MAP3K1: variants seen among roughly 807,000 people sequenced by gnomAD.
MAP3K1 encodes mitogen-activated protein kinase kinase kinase 1.
A neutral mutation model predicts 144.2 loss-of-function variants in MAP3K1; 36 were observed. The ratio of observed to expected loss-of-function variants is 0.25; its 90% CI spans 0.19 to 0.33. MAP3K1 has a LOEUF of 0.33. Ranked by LOEUF, MAP3K1 falls within the 10% of genes least tolerant of loss-of-function variation. The pLI, the probability that MAP3K1 is intolerant of heterozygous loss-of-function variation, is 1.00. For synonymous variants in MAP3K1, 718 were observed against 688.7 expected (o/e 1.04, Z -0.67); for missense variants, 1,650 against 1,881.9 (o/e 0.88, Z 2.28).
intron 1 of MAP3K1, among the ~76,000 whole-genome samples, chr5:56,844,761 G>A (rs548487556): frequency 3.0e-4 from 45 of 152,250 alleles, no homozygotes; most frequent in African/African-American, 1.0e-3. Context: ...TTTATCTTTC[G>A]TTTTTTAATT....
At chr5:56,846,119 C>G (rs1746990196) in intron 1 of MAP3K1, among the ~76,000 whole-genome samples, 1 of 152,194 alleles carries the variant, frequency 6.6e-6, no homozygotes, top group Non-Finnish European at 1.5e-5. Flanking sequence ...AATGGCAGAA[C>G]AATGTTGTTT....
intron 13 of MAP3K1, 25 bp from the exon 14 acceptor site, chr5:56,881,540 TATATG>T (rs1179587314): frequency 5.9e-6 from 9 of 1,529,612 alleles, no homozygotes; most frequent in Admixed American, 3.3e-5. Context: ...AATTGGAACT[TATATG>T]GTAATGAATG....
intron 10 of MAP3K1, 30 bp from the exon 11 acceptor site, chr5:56,878,950 A>C (rs202215982): frequency 6.2e-7 from 1 of 1,612,368 alleles, no homozygotes; most frequent in Non-Finnish European, 8.5e-7. Flanking sequence ...TTAAGTGTAC[A>C]TAAACTGACC....
At chr5:56,835,854 G>A (rs1217751546) in intron 1 of MAP3K1, among the ~76,000 whole-genome samples, 2 of 151,978 alleles carry the variant, frequency 1.3e-5, no homozygotes, top group Non-Finnish European at 2.9e-5. Context: ...GTCAATTGAT[G>A]GTTAATAGGA....
chr5:56,883,505 A>G, intron 14 of MAP3K1, 22 bp from the exon 15 acceptor site: 2 of 1,612,414 alleles, frequency 1.2e-6, no homozygotes, highest in African/African-American at 1.3e-5. Context: ...CAGTAAAAAG[A>G]TTGCTTTCGT....
At chr5:56,825,876 G>A (rs1266127335) in intron 1 of MAP3K1, among the ~76,000 whole-genome samples, 1 of 151,918 alleles carries the variant, frequency 6.6e-6, no homozygotes, top group East Asian at 1.9e-4. Flanking sequence ...TAGGACTCAG[G>A]CTTCTGCTCA....
At chr5:56,867,652 A>T (rs1199744575) in intron 6 of MAP3K1, among the ~76,000 whole-genome samples, 1 of 152,208 alleles carries the variant, frequency 6.6e-6, no homozygotes, top group Non-Finnish European at 1.5e-5. Context: ...CAGTTATTGT[A>T]AGCATGTGCT....
At chr5:56,840,668 C>A (rs1746784584) in intron 1 of MAP3K1, among the ~76,000 whole-genome samples, 1 of 152,002 alleles carries the variant, frequency 6.6e-6, no homozygotes, top group South Asian at 2.1e-4. Context: ...TACCATTATT[C>A]CAGATTATGA....
chr5:56,854,261 T>A (rs1046787100), intron 1 of MAP3K1, among the ~76,000 whole-genome samples: 2 of 151,410 alleles, frequency 1.3e-5, no homozygotes, highest in African/African-American at 4.9e-5. Context: ...TGGTGAAACC[T>A]CATCTCTACT....
At chr5:56,820,884 G>A (rs1746134361) in intron 1 of MAP3K1, 1 of 691,048 alleles carries the variant, frequency 1.4e-6, no homozygotes, top group Non-Finnish European at 1.8e-6. Context: ...GGGATACAGA[G>A]GGGATACAAC....
Position 56,888,242 on chromosome 5 carries a change from A to G in MAP3K1, c.4274A>G (p.Gln1425Arg). 1.2e-6 allele frequency: 2 copies of G among 1,613,944 alleles called. No individual in the cohort carries two copies. Among genetic ancestry groups the G allele is most frequent in the Non-Finnish European group, 1.7e-6 (2 of 1,179,820 alleles). Residue 1425 changes from glutamine to arginine, a missense_variant, in exon 19 of 20, where the codon CAG (glutamine) becomes CGG (arginine). Physicochemically the swap from Gln to Arg is conservative, Grantham distance 43. This residue lies in a region of MAP3K1 where 165 missense variants were observed against 322.9 expected (regional missense o/e 0.51). Coordinates refer to ENST00000399503, the MANE Select transcript of MAP3K1 (RefSeq NM_005921.2). ...TTATTTTAGGTACTAAGAGGTCAACAGTATGGAAGGAGCTGTGATGTATGG... is the reference window on the plus strand; with the variant it reads ...TTATTTTAGGTACTAAGAGGTCAACGGTATGGAAGGAGCTGTGATGTATGG... The part of the protein sequence containing the change: ...FMAPEVLRGQ[Q>R]YGRSCDVWSV...
chr5:56,846,742 T>C (rs1179498517), intron 1 of MAP3K1, among the ~76,000 whole-genome samples: 1 of 152,236 alleles, frequency 6.6e-6, no homozygotes, highest in Non-Finnish European at 1.5e-5. Flanking sequence ...GTTTGACGTT[T>C]TCTTGACCTG....
In MAP3K1 at chr5:56,815,908, C is replaced by T. The variant is rs898364150; in HGVS notation, c.335C>T (p.Pro112Leu). ...GTGFQPVAVP[P>L]PHGAASRGGA... ...GGCTTCCAGCCTGTGGCGGTGCCGC[C>T]GCCCCACGGAGCCGCGAGCCGCGGC... The change falls in exon 1 of 20, where the codon CCG becomes CTG. Residue 112 changes from proline to leucine, a missense_variant. Pro to Leu is a moderately conservative substitution (Grantham distance 98). This residue lies in a region of MAP3K1 where 360 missense variants were observed against 274.7 expected (regional missense o/e 1.31). Transcript: ENST00000399503. 2.3e-6 allele frequency: 3 copies of T among 1,295,034 alleles called. No individual in the cohort carries two copies. Among genetic ancestry groups the T allele is most frequent in the South Asian group, 2.2e-5 (1 of 45,246 alleles). The allele number at this position is 1,295,034 out of a possible 1,614,324, so 80.2% of individuals were successfully genotyped here. A position where few individuals can be genotyped will look rare whatever the true frequency, so the allele number is the denominator to read the frequency against.
intron 1 of MAP3K1, among the ~76,000 whole-genome samples, chr5:56,852,706 G>A (rs1747212224): frequency 6.6e-6 from 1 of 151,938 alleles, no homozygotes; most frequent in Non-Finnish European, 1.5e-5. Flanking sequence ...TTTAAAATAG[G>A]TATGTTTCTG....
chr5:56,866,427 A>C (rs1369632118), intron 6 of MAP3K1, among the ~76,000 whole-genome samples: 1 of 151,820 alleles, frequency 6.6e-6, no homozygotes, highest in South Asian at 2.1e-4. Flanking sequence ...GTGTGTATGT[A>C]TGTATGTCTG....
At position 56,822,509 on chromosome 5, in the gene MAP3K1, G is replaced by A. The variant is rs189814569; in HGVS notation, c.482+6454G>A. On this transcript the variant is annotated intron_variant, in intron 1 of 19. Transcript: ENST00000399503. ...TATTTGAAAGTGTCTAATTATTTGC[G>A]TTAATTGGTAAGCCCCTCCTGATTT... Among the ~76,000 whole-genome samples, 168 of 152,248 alleles carry A rather than the reference G, an allele frequency of 1.1e-3. 2 individuals are homozygous for A. Among genetic ancestry groups the A allele is most frequent in the Non-Finnish European group, 3.4e-4 (23 of 68,016 alleles).
intron 11 of MAP3K1, among the ~76,000 whole-genome samples, chr5:56,879,551 T>C (rs1331132101): frequency 7.3e-6 from 1 of 137,478 alleles, no homozygotes; most frequent in Non-Finnish European, 1.6e-5. Flanking sequence ...TTACTCTACT[T>C]ATGACAGTTT....
At position 56,884,743 on chromosome 5, in the gene MAP3K1, A is replaced by G. The variant is rs1260160451; in HGVS notation, c.3899A>G (p.His1300Arg). The G allele has an allele frequency of 6.2e-7, 1 of 1,613,836 alleles. No homozygotes were observed. Among genetic ancestry groups the G allele is most frequent in the Non-Finnish European group, 8.5e-7 (1 of 1,179,816 alleles). Residue 1300 changes from histidine to arginine, a missense_variant, in exon 16 of 20, where the codon CAT becomes CGT. His to Arg is a conservative substitution (Grantham distance 29). Coordinates refer to ENST00000399503, the MANE Select transcript of MAP3K1 (RefSeq NM_005921.2). ...ALREEIRMMS[H>R]LNHPNIIRML... is the part of the protein sequence containing the mutation. ...AGAGAAGAGATAAGAATGATGAGCC[A>G]TCTGAATCATCCAAACATCATTAGG...
intron 19 of MAP3K1, 131 bp downstream of exon 19, chr5:56,888,488 G>C (rs532198807): frequency 8.1e-5 from 67 of 827,226 alleles, no homozygotes; most frequent in Non-Finnish European, 1.2e-4. Context: ...TATTTATTCA[G>C]AGAGGATTTG....
Sources: gnomAD v4.1 joint callset for allele counts (sites outside exome capture counted in the v4.1 genomes callset) on GRCh38, gnomAD v4.1.1 for gene constraint, gnomAD v4.1.1 regional missense constraint, MANE v1.5 for transcripts, NCBI Gene and HGNC (gene_info 2026-07-23, HGNC 2026-07-21) for gene names.